Variants in DOCK3 observed in about 807,000 individuals in gnomAD.
DOCK3 encodes the protein dedicator of cytokinesis protein 3.
Under a neutral mutation model 265.6 loss-of-function variants are expected in DOCK3, and 60 were observed. That is an observed-to-expected ratio of 0.23 (90% CI 0.18 to 0.28). The LOEUF is 0.28. Ranked by LOEUF, DOCK3 falls within the 10% of genes least tolerant of loss-of-function variation. The probability of loss-of-function intolerance (pLI) is 1.00; values close to 1 mark genes in which losing one functional copy is unlikely to be tolerated. For missense variants in DOCK3, 1,981 were observed against 2,594.3 expected, an observed-to-expected ratio of 0.76 and a Z score of 5.14; for synonymous variants, 881 against 938.0, an observed-to-expected ratio of 0.94 and a Z score of 1.11.
chr3:51,109,640 C>T (rs1231653036), intron 9 of DOCK3, among the ~76,000 whole-genome samples: 3 of 151,644 alleles, frequency 2.0e-5, no homozygotes, highest in Non-Finnish European at 4.4e-5. Context: ...GAGAGAAGAC[C>T]CAGCCAGATG....
intron 23 of DOCK3, among the ~76,000 whole-genome samples, chr3:51,263,744 A>G (rs1297227183): frequency 1.3e-5 from 2 of 152,250 alleles, no homozygotes; most frequent in Non-Finnish European, 2.9e-5. Context: ...AGCAAATGGA[A>G]AACCAAAAAA....
chr3:50,884,874 A>T (rs528875177), intron 3 of DOCK3, among the ~76,000 whole-genome samples: 6 of 152,098 alleles, frequency 3.9e-5, no homozygotes, highest in Non-Finnish European at 8.8e-5. Flanking sequence ...ATAATGGATG[A>T]ACCAGTATTG....
At chr3:51,233,293 T>C (rs1440330211) in intron 19 of DOCK3, among the ~76,000 whole-genome samples, 1 of 152,144 alleles carries the variant, frequency 6.6e-6, no homozygotes. Flanking sequence ...TCATTTATTA[T>C]TTCTTTTAGC....
chr3:51,127,253 A>G (rs1197182018), intron 9 of DOCK3, among the ~76,000 whole-genome samples: 2 of 152,080 alleles, frequency 1.3e-5, no homozygotes, highest in African/African-American at 4.8e-5. Context: ...CTCTGACTCA[A>G]ATGTTAATCT....
intron 3 of DOCK3, among the ~76,000 whole-genome samples, chr3:50,857,496 G>T (rs1376483022): frequency 1.3e-5 from 2 of 151,924 alleles, no homozygotes; most frequent in African/African-American, 4.8e-5. Flanking sequence ...GAGTGAACAG[G>T]CAACCTACAG....
In DOCK3 at chr3:50,902,056, G is replaced by A. The variant is rs902291779; in HGVS notation, c.218+11975G>A. Among the ~76,000 whole-genome samples the A allele has an allele frequency of 3.3e-5, 5 of 152,114 alleles. No homozygotes were observed. The South Asian group carries it at 8.3e-4, about 25-fold the overall frequency. On this transcript the variant is annotated intron_variant, in intron 4 of 52. Coordinates refer to ENST00000266037, the MANE Select transcript of DOCK3 (RefSeq NM_004947.5). ...AAATGTCTGTTCATGTCATTTGCCC[G>A]CTTTTTAGTGTGGTTGTTTGTTTTT...
chr3:51,222,417 A>C (rs1468643113), intron 14 of DOCK3, among the ~76,000 whole-genome samples: 1 of 152,208 alleles, frequency 6.6e-6, no homozygotes, highest in East Asian at 1.9e-4. Flanking sequence ...GGAGCTTTTC[A>C]CATTTGCTTC....
At chr3:51,089,140 A>G (rs1046378259) in intron 7 of DOCK3, 103 bp from the exon 8 acceptor site, 12 of 1,147,098 alleles carry the variant, frequency 1.0e-5, no homozygotes, top group East Asian at 2.6e-5. Context: ...AAATGAGATC[A>G]TGAATATAAA....
intron 2 of DOCK3, among the ~76,000 whole-genome samples, chr3:50,823,062 T>C (rs916489052): frequency 2.8e-5 from 4 of 144,966 alleles, no homozygotes; most frequent in African/African-American, 1.2e-4. Context: ...TACTTAACAC[T>C]ATTACTTTTA....
At chr3:51,030,987 G>A (rs1214180844) in intron 5 of DOCK3, among the ~76,000 whole-genome samples, 1 of 152,098 alleles carries the variant, frequency 6.6e-6, no homozygotes, top group Non-Finnish European at 1.5e-5. Flanking sequence ...TGTAATGCCT[G>A]GCTGTCTTGA....
intron 22 of DOCK3, among the ~76,000 whole-genome samples, chr3:51,257,669 A>G (rs760221110): frequency 2.6e-5 from 4 of 152,172 alleles, no homozygotes; most frequent in Non-Finnish European, 5.9e-5. Context: ...TGATACAAAC[A>G]TGGTAATAAC....
chr3:51,315,609 T>G (rs2083320282), intron 32 of DOCK3, among the ~76,000 whole-genome samples: 1 of 152,134 alleles, frequency 6.6e-6, no homozygotes, highest in Admixed American at 6.5e-5. Context: ...CAGGCTGTCC[T>G]CCTGTGTAGT....
intron 1 of DOCK3, among the ~76,000 whole-genome samples, chr3:50,750,069 A>T (rs1300187748): frequency 6.6e-6 from 1 of 152,180 alleles, no homozygotes; most frequent in East Asian, 1.9e-4. Flanking sequence ...GCCTCCTGTC[A>T]GATCAGCAGG....
chr3:51,208,564 A>G (rs1449476291), intron 12 of DOCK3, among the ~76,000 whole-genome samples: 2 of 152,196 alleles, frequency 1.3e-5, no homozygotes, highest in African/African-American at 2.4e-5. Flanking sequence ...AAATGTTTGT[A>G]GGGATTCATT....
intron 2 of DOCK3, among the ~76,000 whole-genome samples, chr3:50,819,230 C>T (rs1202330511): frequency 2.0e-5 from 3 of 152,062 alleles, no homozygotes; most frequent in African/African-American, 7.2e-5. Context: ...TCCAGTTTAC[C>T]TGGAGCATTT....
chr3:51,357,511 C>T (rs142610839), intron 44 of DOCK3, among the ~76,000 whole-genome samples: 202 of 152,326 alleles, frequency 1.3e-3, no homozygotes, highest in African/African-American at 3.9e-3. Flanking sequence ...CTACCTAGGC[C>T]ATCCAGGCTC....
intron 2 of DOCK3, among the ~76,000 whole-genome samples, chr3:50,840,943 C>T (rs2045792695): frequency 6.6e-6 from 1 of 152,036 alleles, no homozygotes; most frequent in Admixed American, 6.6e-5. Flanking sequence ...CAACGATAAC[C>T]TCTCAATTAA....
At chr3:50,683,857 C>T (rs562174585) in intron 1 of DOCK3, among the ~76,000 whole-genome samples, 3 of 125,982 alleles carry the variant, frequency 2.4e-5, no homozygotes, top group Admixed American at 8.5e-5. Flanking sequence ...CACCCACTCC[C>T]TCTCCCCTCT....
chr3:50,843,280 T>C (rs998872684), intron 3 of DOCK3, among the ~76,000 whole-genome samples: 6 of 152,196 alleles, frequency 3.9e-5, no homozygotes, highest in African/African-American at 1.4e-4. Flanking sequence ...GTGGGGTCAG[T>C]GTCCAAGACA....
Sources: allele counts gnomAD v4.1 joint callset (sites outside exome capture counted in the v4.1 genomes callset), GRCh38; gene constraint gnomAD v4.1.1; transcripts MANE v1.5; gene names NCBI Gene and HGNC (gene_info 2026-07-23, HGNC 2026-07-21).